KIF9: variants seen among roughly 807,000 people sequenced by gnomAD.
KIF9 encodes kinesin family member 9.
In KIF9, 68 loss-of-function variants were observed where a neutral mutation model predicts 94.8. The observed-to-expected ratio is 0.72, with a 90% CI of 0.59 to 0.88. The LOEUF (loss-of-function observed/expected upper bound fraction) is 0.88. Among genes scored for constraint, KIF9 ranks in the 40% least tolerant of loss-of-function variants. The pLI, the probability that KIF9 is intolerant of heterozygous loss-of-function variation, is 0.00. For missense variants in KIF9, 882 were observed against 982.5 expected (o/e 0.90, Z 1.37); for synonymous variants, 343 against 362.1 (o/e 0.95, Z 0.60).
At chr3:47,232,409 C>T (rs960890525) in intron 20 of KIF9, among the ~76,000 whole-genome samples, 38 of 151,902 alleles carry the variant, frequency 2.5e-4, no homozygotes, top group African/African-American at 8.7e-4. Context: ...CTCAGCCTCC[C>T]GAGTAGCTGG....
intron 7 of KIF9, 184 bp from the exon 8 acceptor site, chr3:47,266,061 C>A (rs1412300009): frequency 5.3e-6 from 3 of 567,718 alleles, no homozygotes; most frequent in Non-Finnish European, 3.1e-6. Context: ...AATGGTAATA[C>A]CAAAACTCAG....
At chr3:47,278,256 T>G (rs1355874183) in intron 1 of KIF9, among the ~76,000 whole-genome samples, 2 of 152,150 alleles carry the variant, frequency 1.3e-5, no homozygotes, top group East Asian at 3.9e-4. Flanking sequence ...ACATTTTTTT[T>G]GCAGAGATGG....
At position 47,235,514 on chromosome 3, in the gene KIF9, T is replaced by A. The variant is rs1234738351; in HGVS notation, c.2321A>T (p.Lys774Met). ...FYNAKVKIEQKHNYLKTMMGL... is the reference protein window; with the variant it reads ...FYNAKVKIEQMHNYLKTMMGL... ...TGGAGACATAGGCCTCTGAGTTACC[T>A]TCTGCTCTATCTTGACTTTGGCATT... Residue 774 changes from lysine to methionine, a missense_variant and splice_region_variant, in exon 20 of 21, where the codon AAG becomes ATG. Lys to Met is a moderately conservative substitution (Grantham distance 95). Coordinates refer to ENST00000684063, the MANE Select transcript of KIF9 (RefSeq NM_182902.4). The A allele has an allele frequency of 6.2e-7, 1 of 1,610,402 alleles. No homozygotes were observed.
chr3:47,248,163 A>T (rs1700048018), intron 10 of KIF9, 77 bp from the exon 11 acceptor site: 2 of 1,054,598 alleles, frequency 1.9e-6, no homozygotes, highest in Admixed American at 1.8e-5. Flanking sequence ...CCACAGCAAA[A>T]GTACAATTCC....
chr3:47,244,811 C>T lies in KIF9; in HGVS notation c.1494G>A (p.Lys498=). Residue 498 remains lysine, a synonymous_variant, in exon 15 of 21, where the codon AAG becomes AAA. Transcript: ENST00000684063. ...CTCACCTGAGTGGCTCTTTGAATGT[C>T]TTCTTGGACTTGGCTTTCTTCCCAG... is the stretch of plus-strand genomic sequence containing the variant. ...TKPGKKAKSK[K]TFKEPLSSLA... 1 of 1,614,010 alleles carries T rather than the reference C, an allele frequency of 6.2e-7. No homozygotes were observed. Among genetic ancestry groups the T allele is most frequent in the Non-Finnish European group, 8.5e-7 (1 of 1,180,028 alleles).
intron 11 of KIF9, among the ~76,000 whole-genome samples, chr3:47,247,734 G>T (rs1700016509): frequency 6.6e-6 from 1 of 152,174 alleles, no homozygotes; most frequent in African/African-American, 2.4e-5. Context: ...CCAGACAGAG[G>T]CTCTGCTGGC....
In KIF9 at chr3:47,228,576, G is replaced by A; in HGVS notation, c.*76C>T. 3.3e-6 allele frequency: 4 copies of A among 1,198,432 alleles called. No homozygotes were observed. The highest frequency in any genetic ancestry group is 2.5e-6 in the Non-Finnish European group (2 of 800,878). The allele number at this position is 1,198,432 out of a possible 1,614,324, so 74.2% of individuals were successfully genotyped here. On this transcript the variant is annotated 3_prime_UTR_variant, in exon 21 of 21. Transcript: ENST00000684063. ...TGGAGTAGAGGGGGCTGCAGCTCTG[G>A]GCAGGTGGTTGAGCAGCTCCACTAC...
At chr3:47,279,852 C>T (rs1340432367) in intron 1 of KIF9, among the ~76,000 whole-genome samples, 1 of 152,132 alleles carries the variant, frequency 6.6e-6, no homozygotes, top group African/African-American at 2.4e-5. Flanking sequence ...CTCCTGACCT[C>T]GTGATCTGCC....
In KIF9 at chr3:47,273,678, C is replaced by CATTTCCT; in HGVS notation, c.260-21_260-20insAGGAAAT. 6.3e-7 allele frequency: 1 copy of CATTTCCT among 1,598,598 alleles called. No homozygotes were observed. Among genetic ancestry groups the CATTTCCT allele is most frequent in the Non-Finnish European group, 8.6e-7 (1 of 1,167,900 alleles). ...TGGTGCCTGCAAACATTTCAAAACA[C>CATTTCCT]GGTGACATCCAGGAAAATAGCTCCA... On this transcript the variant is annotated intron_variant, in intron 3 of 20. Transcript: ENST00000684063.
At chr3:47,254,419 C>T (rs1559444472) in intron 10 of KIF9, among the ~76,000 whole-genome samples, 1 of 152,178 alleles carries the variant, frequency 6.6e-6, no homozygotes, top group Non-Finnish European at 1.5e-5. Context: ...GATCGCACCA[C>T]TGCACTCCAG....
Position 47,282,759 on chromosome 3 carries a change from G to C in KIF9, c.-270C>G. Reference sequence around the variant, plus strand: ...CGGATGCACATGCGAAGTCAAGGTCGAGATAGCGAGGGAACGAAGGCCGCA... The same window carrying C: ...CGGATGCACATGCGAAGTCAAGGTCCAGATAGCGAGGGAACGAAGGCCGCA... On this transcript the variant is annotated 5_prime_UTR_variant, in exon 1 of 21. Transcript: ENST00000684063. 1 of 1,427,464 alleles carries C rather than the reference G, an allele frequency of 7.0e-7. No individual in the cohort carries two copies. Among genetic ancestry groups the C allele is most frequent in the Non-Finnish European group, 9.1e-7 (1 of 1,094,988 alleles). The allele number at this position is 1,427,464 out of a possible 1,614,324, so 88.4% of individuals were successfully genotyped here.
At position 47,244,787 on chromosome 3, in the gene KIF9, T is replaced by C; in HGVS notation, c.1514+4A>G. 1 of 1,613,632 alleles carries C rather than the reference T, an allele frequency of 6.2e-7. No individual in the cohort carries two copies. Among genetic ancestry groups the C allele is most frequent in the Non-Finnish European group, 8.5e-7 (1 of 1,179,966 alleles). ...TGAGGAGGCAGAGCGGCAAGGTCAC[T>C]CACCTGAGTGGCTCTTTGAATGTCT... On this transcript the variant is annotated splice_donor_region_variant and intron_variant, in intron 15 of 20. Transcript: ENST00000684063.
At chr3:47,262,815 C>G (rs1299791469) in intron 9 of KIF9, among the ~76,000 whole-genome samples, 2 of 152,200 alleles carry the variant, frequency 1.3e-5, no homozygotes. Context: ...AGTAGATTCT[C>G]CAGGTGACTG....
At chr3:47,266,344 C>T (rs1701288466) in intron 7 of KIF9, among the ~76,000 whole-genome samples, 1 of 152,172 alleles carries the variant, frequency 6.6e-6, no homozygotes, top group African/African-American at 2.4e-5. Context: ...TACGAATACT[C>T]ATATTCATTC....
chr3:47,234,229 ACTTT>A (rs903389518), intron 20 of KIF9, among the ~76,000 whole-genome samples: 6 of 151,070 alleles, frequency 4.0e-5, no homozygotes, highest in Non-Finnish European at 8.9e-5. Context: ...CAGCATTTGT[ACTTT>A]CTTTTTTTTT....
intron 9 of KIF9, among the ~76,000 whole-genome samples, chr3:47,258,439 C>T (rs556754397): frequency 1.7e-4 from 26 of 152,312 alleles, no homozygotes; most frequent in African/African-American, 6.3e-4. Flanking sequence ...AACATGTAAT[C>T]AACATTTTTA....
chr3:47,275,192 G>C lies in KIF9; in HGVS notation c.259+133C>G, dbSNP rs994606784. The C allele has an allele frequency of 5.7e-6, 4 of 702,168 alleles. No homozygotes were observed. In the African/African-American group the frequency reaches 7.3e-5, roughly 13 times the overall value. 43.5% of individuals were successfully genotyped at this position (702,168 alleles called of 1,614,324 possible). ...TGTCAACAAGCAAACAGTAAGTTTT[G>C]CAACGTAAGAACATGGAGACAGACA... On this transcript the variant is annotated intron_variant, in intron 3 of 20. Coordinates refer to ENST00000684063, the MANE Select transcript of KIF9 (RefSeq NM_182902.4).
rs144401798 is a variant in KIF9, at chr3:47,277,306, C to G, written c.69G>C (p.Met23Ile). The change falls in exon 2 of 21, where the codon ATG becomes ATC. Residue 23 changes from methionine (M) to isoleucine (I), a missense_variant. Met to Ile is a conservative substitution (Grantham distance 10). Coordinates refer to ENST00000684063, the MANE Select transcript of KIF9 (RefSeq NM_182902.4). Reference protein sequence around the residue: ...VKPTDDFAHEMIRYGDDKRSI... With the variant: ...VKPTDDFAHEIIRYGDDKRSI... ...CTCTTTTGTCATCTCCGTATCTGAT[C>G]ATTTCATGAGCAAAGTCATCGGTGG... is the stretch of plus-strand genomic sequence containing the variant. 6.2e-7 allele frequency: 1 copy of G among 1,613,832 alleles called. No individual in the cohort carries two copies. The highest frequency in any genetic ancestry group is 8.5e-7 in the Non-Finnish European group (1 of 1,179,916).
rs1050279546 is a variant in KIF9 at position 47,236,704 on chromosome 3, AGCTG to A, written c.1925-89_1925-86del. 8 of 1,257,692 alleles carry A rather than the reference AGCTG, an allele frequency of 6.4e-6. No individual in the cohort carries two copies. The African/African-American group carries it at 1.2e-4, about 18-fold the overall frequency. 77.9% of individuals were successfully genotyped at this position (1,257,692 alleles called of 1,614,324 possible). ...AAGGGATTCCAGAAGGTGGGCACAG[AGCTG>A]GCAAATCATGAAGACAGGAGACCAC... On this transcript the variant is annotated intron_variant, in intron 17 of 20. Coordinates refer to ENST00000684063, the MANE Select transcript of KIF9 (RefSeq NM_182902.4).
Sources: allele counts gnomAD v4.1 joint callset (sites outside exome capture counted in the v4.1 genomes callset), GRCh38; gene constraint gnomAD v4.1.1; transcripts MANE v1.5; gene names NCBI Gene and HGNC (gene_info 2026-07-23, HGNC 2026-07-21).